ELMOD1: variants seen among roughly 807,000 people sequenced by gnomAD.
ELMOD1 encodes the protein ELMO domain-containing protein 1.
In ELMOD1, 21 loss-of-function variants were observed where a neutral mutation model predicts 46.7. That is an observed-to-expected ratio of 0.45 (90% confidence interval 0.32 to 0.65). ELMOD1 has a LOEUF of 0.65. Among genes scored for constraint, ELMOD1 ranks in the 30% least tolerant of loss-of-function variants. The probability of loss-of-function intolerance (pLI) is 0.04; values close to 1 mark genes in which losing one functional copy is unlikely to be tolerated. For synonymous variants in ELMOD1, 122 were observed against 138.2 expected (o/e 0.88, Z 0.82); for missense variants, 348 against 407.8 (o/e 0.85, Z 1.26).
chr11:107,663,524 A>T (rs1357991921), intron 11 of ELMOD1, among the ~76,000 whole-genome samples: 2 of 151,986 alleles, frequency 1.3e-5, no homozygotes, highest in East Asian at 3.9e-4. Flanking sequence ...GGAACAGTCA[A>T]CCCAACCCTC....
intron 6 of ELMOD1, among the ~76,000 whole-genome samples, chr11:107,646,484 C>T (rs1246345343): frequency 6.6e-6 from 1 of 152,124 alleles, no homozygotes; most frequent in African/African-American, 2.4e-5. Context: ...CCTGTAATCC[C>T]AGCACTTTGG....
chr11:107,601,159 T>C (rs946534242), intron 1 of ELMOD1, among the ~76,000 whole-genome samples: 5 of 152,098 alleles, frequency 3.3e-5, no homozygotes, highest in African/African-American at 4.8e-5. Flanking sequence ...TGCTGTTTCT[T>C]AGTATATTAA....
In ELMOD1 at chr11:107,650,305, AGTTACG is replaced by A. The variant is rs764825044; in HGVS notation, c.555-26_555-21del. 4.0e-6 allele frequency: 6 copies of A among 1,508,886 alleles called. No individual in the cohort carries two copies. The East Asian group carries it at 1.2e-4, about 30-fold the overall frequency. 93.5% of individuals were successfully genotyped at this position (1,508,886 alleles called of 1,614,324 possible). On this transcript the variant is annotated intron_variant, in intron 7 of 11. Transcript: ENST00000265840. ...ATATTCAGCGAGTAAGCAAGTATAG[AGTTACG>A]GTTTTCTTTCCCTCCCGCTGCAGGT...
intron 6 of ELMOD1, among the ~76,000 whole-genome samples, chr11:107,641,479 A>G (rs1242094962): frequency 6.6e-6 from 1 of 152,204 alleles, no homozygotes; most frequent in African/African-American, 2.4e-5. Flanking sequence ...ATAATCTGTA[A>G]GCAATTAATA....
At chr11:107,632,618 G>A (rs1866159872) in intron 5 of ELMOD1, among the ~76,000 whole-genome samples, 1 of 152,074 alleles carries the variant, frequency 6.6e-6, no homozygotes, top group Non-Finnish European at 1.5e-5. Context: ...GCTACCAAAG[G>A]TTGATTTACT....
At chr11:107,662,078 A>T (rs1039437720) in intron 11 of ELMOD1, among the ~76,000 whole-genome samples, 2 of 152,222 alleles carry the variant, frequency 1.3e-5, no homozygotes, top group Non-Finnish European at 2.9e-5. Context: ...TTGGGGAAGG[A>T]TTGAAGTTGT....
chr11:107,664,939 A>C, intron 11 of ELMOD1, 86 bp from the exon 12 acceptor site: 1 of 1,320,868 alleles, frequency 7.6e-7, no homozygotes, highest in Non-Finnish European at 1.0e-6. Flanking sequence ...TTGGTTCAGC[A>C]TCTTCCTCAG....
chr11:107,642,874 T>C (rs187387436), intron 6 of ELMOD1: 56 of 290,524 alleles, frequency 1.9e-4, no homozygotes, highest in African/African-American at 1.2e-3. Flanking sequence ...TATTTTTCTT[T>C]GTGATTCCCC....
At chr11:107,655,758 G>C (rs1313961037) in intron 10 of ELMOD1, among the ~76,000 whole-genome samples, 175 bp from the exon 11 acceptor site, 4 of 152,000 alleles carry the variant, frequency 2.6e-5, no homozygotes, top group Non-Finnish European at 5.9e-5. Context: ...AAAGGGGTGG[G>C]CAATTCCCAG....
chr11:107,606,508 T>G (rs1031672321), intron 1 of ELMOD1, among the ~76,000 whole-genome samples: 9 of 152,166 alleles, frequency 5.9e-5, no homozygotes, highest in African/African-American at 2.2e-4. Flanking sequence ...AAAGAATTAA[T>G]GGGAGCTGTG....
intron 3 of ELMOD1, 48 bp from the exon 4 acceptor site, chr11:107,630,652 G>A: frequency 6.2e-7 from 1 of 1,603,566 alleles, no homozygotes. Context: ...TCTAAACCAT[G>A]TGTAAAGGAT....
chr11:107,643,744 T>G (rs1866368256), intron 6 of ELMOD1: 1 of 490,492 alleles, frequency 2.0e-6, no homozygotes, highest in South Asian at 1.6e-5. Context: ...TGGAGCAATC[T>G]TGACTCTTAT....
chr11:107,610,944 A>G (rs1298487136), intron 1 of ELMOD1, among the ~76,000 whole-genome samples: 1 of 148,732 alleles, frequency 6.7e-6, no homozygotes, highest in African/African-American at 2.5e-5. Context: ...ATCTACAAAA[A>G]TTAACTCAAG....
intron 2 of ELMOD1, among the ~76,000 whole-genome samples, chr11:107,621,913 G>A (rs1192028230): frequency 6.6e-6 from 1 of 151,986 alleles, no homozygotes; most frequent in Non-Finnish European, 1.5e-5. Context: ...TGTAATCCCA[G>A]CTACTAGGGA....
In ELMOD1 at chr11:107,658,341, AAC is replaced by A. The variant is rs1467528439; in HGVS notation, c.832+2279_832+2280del. Among the ~76,000 whole-genome samples the A allele has an allele frequency of 6.6e-5, 10 of 152,304 alleles. No individual in the cohort carries two copies. In the South Asian group the frequency reaches 2.1e-3, roughly 32 times the overall value. On this transcript the variant is annotated intron_variant, in intron 11 of 11. Transcript: ENST00000265840. ...AGATAAAAATGAAAAGTAAATTATAAACACATATACTTTACAACTTGTTAATG... is the reference window on the plus strand; with the variant it reads ...AGATAAAAATGAAAAGTAAATTATAAACATATACTTTACAACTTGTTAATG...
intron 1 of ELMOD1, among the ~76,000 whole-genome samples, chr11:107,593,892 T>TCATATTTCTG (rs1865447879): frequency 6.6e-6 from 1 of 152,188 alleles, no homozygotes; most frequent in South Asian, 2.1e-4. Flanking sequence ...GGAGCAGAAA[T>TCATATTTCTG]CATATGCTGT....
intron 1 of ELMOD1, among the ~76,000 whole-genome samples, chr11:107,614,296 T>G (rs929741621): frequency 6.6e-6 from 1 of 152,214 alleles, no homozygotes; most frequent in African/African-American, 2.4e-5. Flanking sequence ...AGGTATAGGA[T>G]TTATTCCTCA....
Position 107,595,950 on chromosome 11 carries a change from A to C in ELMOD1, c.-86+4541A>C, listed in dbSNP as rs528841506. Among the ~76,000 whole-genome samples the C allele has an allele frequency of 1.4e-3, 217 of 152,216 alleles. 1 individual carries two copies. The highest frequency in any genetic ancestry group is 5.2e-3 in the South Asian group (25 of 4,814). ...ATTTAAGATGCCATCAAAATAATTCACAATTTGATTTTTTTTGCTTTTTTG... is the reference window on the plus strand; with the variant it reads ...ATTTAAGATGCCATCAAAATAATTCCCAATTTGATTTTTTTTGCTTTTTTG... On this transcript the variant is annotated intron_variant, in intron 1 of 11. Coordinates refer to ENST00000265840, the MANE Select transcript of ELMOD1 (RefSeq NM_018712.4).
At chr11:107,633,656 C>T (rs11212305) in intron 5 of ELMOD1, among the ~76,000 whole-genome samples, 5,991 of 152,248 alleles carry the variant, frequency 0.039, 122 homozygotes, top group South Asian at 0.072. Flanking sequence ...TGGTCTCAAA[C>T]CCCTGACCTC....
Sources: allele counts gnomAD v4.1 joint callset (sites outside exome capture counted in the v4.1 genomes callset), GRCh38; gene constraint gnomAD v4.1.1; transcripts MANE v1.5; gene names NCBI Gene and HGNC (gene_info 2026-07-23, HGNC 2026-07-21).